L1CAM: variants seen among roughly 807,000 people sequenced by gnomAD.
L1CAM encodes neural cell adhesion molecule L1.
L1CAM carries 8 observed loss-of-function variants against 93.0 expected under a neutral mutation model. The observed-to-expected ratio is 0.09, with a 90% CI of 0.05 to 0.16. The LOEUF is 0.16. Ranked by LOEUF, L1CAM falls within the 10% of genes least tolerant of loss-of-function variation. The pLI is 1.00. For synonymous variants in L1CAM, 453 were observed against 453.0 expected, an observed-to-expected ratio of 1.00 and a Z score of 0.00; for missense variants, 777 against 1,073.4, an observed-to-expected ratio of 0.72 and a Z score of 3.86.
chrX:153,864,393 G>T lies in L1CAM; in HGVS notation c.3251C>A (p.Thr1084Asn). The T allele has an allele frequency of 8.3e-7, 1 of 1,211,433 alleles. No homozygotes were observed. The highest frequency in any genetic ancestry group is 1.1e-6 in the Non-Finnish European group (1 of 894,850). ...SYTQWDLQPD[T>N]DYEIHLFKER... ...CTTAAACAAGTGGATCTCGTAGTCA[G>T]TGTCAGGCTGCAGGTCCCACTGCGT... The change falls in exon 25 of 29, where the codon ACT (threonine) becomes AAT (asparagine). Residue 1084 changes from threonine (T) to asparagine (N), a missense_variant. By Grantham distance (65) the Thr-to-Asn change is moderately conservative. Coordinates refer to ENST00000370060, the MANE Select transcript of L1CAM (RefSeq NM_001278116.2).
Position 153,869,842 on chromosome X carries a change from G to T in L1CAM, c.1084C>A (p.Pro362Thr). The T allele has an allele frequency of 8.3e-7, 1 of 1,210,943 alleles. No homozygotes were observed. The highest frequency in any genetic ancestry group is 1.1e-6 in the Non-Finnish European group (1 of 895,176). ...CCGTTGATTCTCCAGGTGACCTCTG[G>T]TTGGGGCCTGCCCTGGACTTGGCAG... The part of the protein sequence containing the change: ...LDCQVQGRPQ[P>T]EVTWRINGIP... The change falls in exon 10 of 29, where the codon CCA becomes ACA. Residue 362 changes from proline (P) to threonine (T), a missense_variant. Around this residue, in one of 5 missense-constraint regions of L1CAM, gnomAD observed 574 missense variants for 781.0 expected, o/e 0.73. Coordinates refer to ENST00000370060, the MANE Select transcript of L1CAM (RefSeq NM_001278116.2).
chrX:153,863,267 T>C, intron 28 of L1CAM, 101 bp downstream of exon 28: 1 of 941,217 alleles, frequency 1.1e-6, no homozygotes, highest in Non-Finnish European at 1.5e-6. Context: ...GAAGTGAGAG[T>C]CCTGTCAGAG....
rs976177297 is a variant in L1CAM, at chrX:153,862,613, G to T, written c.*50C>A. ...TCCCATGGGCCTGCTGGAGAGGGAG[G>T]GGCCTGGATCCCAAGGCCAGGGGCA... On this transcript the variant is annotated 3_prime_UTR_variant, in exon 29 of 29. Transcript: ENST00000370060. 3 of 1,011,493 alleles carry T rather than the reference G, an allele frequency of 3.0e-6. No individual in the cohort carries two copies. The Admixed American group carries it at 7.2e-5, about 24-fold the overall frequency. 83.4% of individuals were successfully genotyped at this position (1,011,493 alleles called of 1,213,427 possible). A position where few individuals can be genotyped will look rare whatever the true frequency, so the allele number is the denominator to read the frequency against.
intron 1 of L1CAM, chrX:153,885,756 G>T (rs1413373118): frequency 1.4e-6 from 1 of 716,154 alleles, no homozygotes; most frequent in Non-Finnish European, 1.8e-6. Flanking sequence ...TTCAGCCCCC[G>T]CCTGCCCACA....
At chrX:153,885,214 C>T in intron 1 of L1CAM, 3 of 292,020 alleles carry the variant, frequency 1.0e-5, no homozygotes, top group South Asian at 9.6e-5. Context: ...GGCAAAAGAC[C>T]TGCAGTGCGC....
chrX:153,867,843 G>A lies in L1CAM; in HGVS notation c.1896C>T (p.Arg632=), dbSNP rs782669444. The A allele has an allele frequency of 1.5e-5, 18 of 1,208,441 alleles. No individual in the cohort carries two copies. The highest frequency in any genetic ancestry group is 1.8e-5 in the South Asian group (1 of 56,743). The change falls in exon 16 of 29, where the codon CGC becomes CGT. Residue 632 remains arginine (R), a synonymous_variant. Transcript: ENST00000370060. ...DLHLLTQSQV[R]VSWSPAEDHN... is the part of the protein sequence containing the mutation. ...GGTCTTCTGCAGGACTCCAGGACAC[G>A]CGCACCTGGCTCTGCGTCAGCAGGT...
chrX:153,878,208 G>A (rs1344920547), intron 1 of L1CAM, among the ~76,000 whole-genome samples: 4 of 112,783 alleles, frequency 3.5e-5, no homozygotes, highest in Admixed American at 9.3e-5. Flanking sequence ...AGCGGGCACC[G>A]AGCCTCAGCA....
At chrX:153,883,401 G>A (rs1557096123) in intron 1 of L1CAM, among the ~76,000 whole-genome samples, 1 of 109,188 alleles carries the variant, frequency 9.2e-6, no homozygotes, top group Non-Finnish European at 1.9e-5. Context: ...CTGGGGGTGG[G>A]GCACAGGGAG....
intron 9 of L1CAM, 53 bp downstream of exon 9, chrX:153,869,998 ACCCTC>A: frequency 1.7e-6 from 2 of 1,206,553 alleles, no homozygotes; most frequent in Non-Finnish European, 1.1e-6. Context: ...CCCGGCGCAG[ACCCTC>A]CCCTCCCCCA....
rs1332720148 is a variant in L1CAM, at chrX:153,861,821, T to C, written c.*842A>G. The C allele has an allele frequency of 9.2e-6, 1 of 108,183 alleles. No homozygotes were observed. Among genetic ancestry groups the C allele is most frequent in the East Asian group, 2.9e-4 (1 of 3,447 alleles). 8.9% of individuals were successfully genotyped at this position (108,183 alleles called of 1,213,427 possible). The stretch of plus-strand genomic sequence containing the variant: ...GGTACAAACTTTCAAAGTCACGGTG[T>C]ATTTACATTCCCAAGGTGGGGGCGG... On this transcript the variant is annotated 3_prime_UTR_variant, in exon 29 of 29. Transcript: ENST00000370060.
rs76726076 is a variant in L1CAM, at chrX:153,863,865, G to C, written c.3457+18C>G. 4.1e-6 allele frequency: 5 copies of C among 1,210,541 alleles called. No individual in the cohort carries two copies. The highest frequency in any genetic ancestry group is 1.7e-5 in the African/African-American group (1 of 57,525). On this transcript the variant is annotated intron_variant, in intron 26 of 28. Transcript: ENST00000370060. ...CTGCCCTCGGCTCCACCCCCGTCAC[G>C]TGGGGCTCAGAGGCTACCTGAGTAT... is the stretch of plus-strand genomic sequence containing the variant.
Position 153,862,591 on chromosome X carries a change from C to A in L1CAM, c.*72G>T. On this transcript the variant is annotated 3_prime_UTR_variant, in exon 29 of 29. Coordinates refer to ENST00000370060, the MANE Select transcript of L1CAM (RefSeq NM_001278116.2). ...CTCCTCTGCCCCAACTCCAGCCTCC[C>A]ATGGGCCTGCTGGAGAGGGAGGGGC... is the stretch of plus-strand genomic sequence containing the variant. 1 of 887,360 alleles carries A rather than the reference C, an allele frequency of 1.1e-6. No homozygotes were observed. The highest frequency in any genetic ancestry group is 1.6e-6 in the Non-Finnish European group (1 of 623,405). The allele number at this position is 887,360 out of a possible 1,213,427, so 73.1% of individuals were successfully genotyped here. A position where few individuals can be genotyped will look rare whatever the true frequency, so the allele number is the denominator to read the frequency against.
rs1192820565 is a variant in L1CAM at position 153,862,383 on chromosome X, T to G, written c.*280A>C. The G allele has an allele frequency of 3.0e-6, 1 of 332,900 alleles. No homozygotes were observed. Among genetic ancestry groups the G allele is most frequent in the African/African-American group, 2.6e-5 (1 of 38,249 alleles). 27.4% of individuals were successfully genotyped at this position (332,900 alleles called of 1,213,427 possible). A position where few individuals can be genotyped will look rare whatever the true frequency, so the allele number is the denominator to read the frequency against. On this transcript the variant is annotated 3_prime_UTR_variant, in exon 29 of 29. Coordinates refer to ENST00000370060, the MANE Select transcript of L1CAM (RefSeq NM_001278116.2). ...GACCCTTTCGGGCCACCCCTACTTC[T>G]TCTCCCCCAAACCACAGCCTCTCTG...
At chrX:153,880,336 G>A (rs1440350777) in intron 1 of L1CAM, 2 of 185,618 alleles carry the variant, frequency 1.1e-5, no homozygotes, top group Middle Eastern at 1.7e-3. Flanking sequence ...ACACCTGCCT[G>A]TCAGTTCTCA....
At chrX:153,883,592 G>A (rs2064858465) in intron 1 of L1CAM, 3 of 272,302 alleles carry the variant, frequency 1.1e-5, no homozygotes, top group South Asian at 1.0e-4. Flanking sequence ...AGAGGACAGG[G>A]CAATGAGCAC....
chrX:153,875,714 C>G lies in L1CAM; in HGVS notation c.76+47G>C, dbSNP rs200754769. 3.7e-6 allele frequency: 4 copies of G among 1,093,217 alleles called. No homozygotes were observed. In the South Asian group the frequency reaches 5.5e-5, roughly 15 times the overall value. 90.1% of individuals were successfully genotyped at this position (1,093,217 alleles called of 1,213,427 possible). On this transcript the variant is annotated intron_variant, in intron 2 of 28. Coordinates refer to ENST00000370060, the MANE Select transcript of L1CAM (RefSeq NM_001278116.2). ...AGGAGGTAGAAGATAAAGAGGGGCC[C>G]AACATAGCGGCGAAGGTAGGCGCCC...
chrX:153,870,940 C>G lies in L1CAM; in HGVS notation c.544G>C (p.Asp182His). Residue 182 changes from aspartate (D) to histidine (H), a missense_variant, in exon 7 of 29, where the codon GAC (aspartate) becomes CAC (histidine). Coordinates refer to ENST00000370060, the MANE Select transcript of L1CAM (RefSeq NM_001278116.2). ...TTCTGGCCCATCGTCACCCGCTCGTCCTGCTTGATGTGCAAGATCTCTGCA... is the reference window on the plus strand; with the variant it reads ...TTCTGGCCCATCGTCACCCGCTCGTGCTGCTTGATGTGCAAGATCTCTGCA... The part of the protein sequence containing the change: ...MNSKILHIKQ[D>H]ERVTMGQNGN... 8.3e-7 allele frequency: 1 copy of G among 1,211,204 alleles called. No homozygotes were observed. The highest frequency in any genetic ancestry group is 1.1e-6 in the Non-Finnish European group (1 of 895,419).
At chrX:153,885,818 G>A in intron 1 of L1CAM, 1 of 687,527 alleles carries the variant, frequency 1.5e-6, no homozygotes. Context: ...GCCAGCATCT[G>A]GGGCCCCGCA....
chrX:153,863,619 C>A, intron 26 of L1CAM, 70 bp from the exon 27 acceptor site: 2 of 986,437 alleles, frequency 2.0e-6, no homozygotes, highest in Non-Finnish European at 2.8e-6. Context: ...CCCCTCTACG[C>A]CCCGCACCCC....
Sources: allele counts gnomAD v4.1 joint callset (sites outside exome capture counted in the v4.1 genomes callset), GRCh38; gene constraint gnomAD v4.1.1; regional missense constraint gnomAD v4.1.1; transcripts MANE v1.5; gene names NCBI Gene and HGNC (gene_info 2026-07-23, HGNC 2026-07-21).